Variants in DTNB observed in about 807,000 individuals in gnomAD.
The protein encoded by DTNB is dystrobrevin beta, also known as DTN-B.
In DTNB, 63 loss-of-function variants were observed where a neutral mutation model predicts 90.7. That is an observed-to-expected ratio of 0.69 (90% CI 0.57 to 0.86). The LOEUF is 0.86. Among genes scored for constraint, DTNB ranks in the 40% least tolerant of loss-of-function variants. DTNB has a pLI of 0.00. For missense variants in DTNB, 744 were observed against 807.1 expected (o/e 0.92, Z 0.95); for synonymous variants, 277 against 286.7 (o/e 0.97, Z 0.34).
At chr2:25,452,372 T>C (rs1288038618) in intron 11 of DTNB, among the ~76,000 whole-genome samples, 1 of 152,214 alleles carries the variant, frequency 6.6e-6, no homozygotes, top group African/African-American at 2.4e-5. Context: ...CTGAAATACA[T>C]GACTTCTTTA....
At chr2:25,530,006 G>C (rs1575433085) in intron 9 of DTNB, among the ~76,000 whole-genome samples, 1 of 152,150 alleles carries the variant, frequency 6.6e-6, no homozygotes, top group African/African-American at 2.4e-5. Flanking sequence ...TTAAGAAATA[G>C]AGTTTTTAAA....
At chr2:25,637,959 C>G (rs1022965750) in intron 3 of DTNB, among the ~76,000 whole-genome samples, 46 of 152,202 alleles carry the variant, frequency 3.0e-4, no homozygotes, top group Non-Finnish European at 5.3e-4. Context: ...GGAACCAACT[C>G]AAATGCCCAT....
chr2:25,487,187 T>A lies in DTNB; in HGVS notation c.1002-4314A>T, dbSNP rs556897237. Among the ~76,000 whole-genome samples the A allele has an allele frequency of 6.2e-4, 95 of 152,308 alleles. 2 individuals are homozygous for A. The South Asian group carries it at 0.019, about 31-fold the overall frequency. On this transcript the variant is annotated intron_variant, in intron 9 of 20. Coordinates refer to ENST00000406818, the MANE Select transcript of DTNB (RefSeq NM_021907.5). Reference sequence around the variant, plus strand: ...AACTGTATATAGATGGAGACAAACATGCAAGCAAATCATCACAATGCCATG... The same window carrying A: ...AACTGTATATAGATGGAGACAAACAAGCAAGCAAATCATCACAATGCCATG...
chr2:25,473,589 T>G (rs749012058), intron 10 of DTNB, among the ~76,000 whole-genome samples: 3 of 152,170 alleles, frequency 2.0e-5, no homozygotes, highest in African/African-American at 7.2e-5. Flanking sequence ...TGTGTGCGCA[T>G]GTATGCATGT....
chr2:25,531,504 G>A lies in DTNB; in HGVS notation c.970C>T (p.Pro324Ser), dbSNP rs1433985723. The A allele has an allele frequency of 6.2e-7, 1 of 1,613,906 alleles. No individual in the cohort carries two copies. The highest frequency in any genetic ancestry group is 1.7e-5 in the Admixed American group (1 of 60,008). Residue 324 changes from proline (P) to serine (S), a missense_variant, in exon 9 of 21, where the codon CCA becomes TCA. Physicochemically the swap from Pro to Ser is moderately conservative, Grantham distance 74 (BLOSUM62 -1). Transcript: ENST00000406818. The stretch of plus-strand genomic sequence containing the variant: ...TGTGCAAGGTCAAGTGGTTTCTCTG[G>A]TTGCTCAGGAAAAACAGGATGCGGG... ...EPPHPVFPEQ[P>S]EKPLDLAHIV...
intron 8 of DTNB, among the ~76,000 whole-genome samples, chr2:25,543,328 C>G (rs2081716324): frequency 6.7e-6 from 1 of 149,986 alleles, no homozygotes; most frequent in East Asian, 2.0e-4. Flanking sequence ...TTTTTTGAGA[C>G]ACAGTCTTGC....
chr2:25,507,284 C>T (rs1192062485), intron 9 of DTNB, among the ~76,000 whole-genome samples: 2 of 152,056 alleles, frequency 1.3e-5, no homozygotes, highest in Non-Finnish European at 2.9e-5. Context: ...TCCAGTATAC[C>T]CACATCAATA....
At chr2:25,654,740 A>T (rs1302289682) in intron 1 of DTNB, among the ~76,000 whole-genome samples, 1 of 152,222 alleles carries the variant, frequency 6.6e-6, no homozygotes, top group East Asian at 1.9e-4. Context: ...CAAAAGAATG[A>T]GTGTTTTAGT....
intron 8 of DTNB, among the ~76,000 whole-genome samples, chr2:25,565,333 C>T (rs368507631): frequency 2.1e-4 from 32 of 152,298 alleles, no homozygotes; most frequent in African/African-American, 7.5e-4. Context: ...ACCTCCCAGG[C>T]TCAAGTGATC....
intron 1 of DTNB, among the ~76,000 whole-genome samples, chr2:25,669,636 T>A (rs2085348002): frequency 6.6e-6 from 1 of 152,182 alleles, no homozygotes; most frequent in African/African-American, 2.4e-5. Flanking sequence ...AGAATCAGCA[T>A]CTAAAGGAAC....
intron 6 of DTNB, among the ~76,000 whole-genome samples, chr2:25,588,415 G>C (rs1333320132): frequency 2.6e-5 from 4 of 151,700 alleles, no homozygotes; most frequent in Non-Finnish European, 4.4e-5. Context: ...TGCCAGGCTG[G>C]AGTGCAGTGG....
chr2:25,635,080 A>T lies in DTNB; in HGVS notation c.148+3934T>A, dbSNP rs200456190. Among the ~76,000 whole-genome samples, 481 of 141,410 alleles carry T rather than the reference A, an allele frequency of 3.4e-3. 1 individual carries two copies. The highest frequency in any genetic ancestry group is 8.1e-3 in the African/African-American group (305 of 37,808). The allele number at this position is 141,410 out of a possible 152,430, so 92.8% of individuals were successfully genotyped here. ...AAAAAAAATAAAAAAATAAAAAAAG[A>T]AAAAAAAAAAAAGAAATTTTAAAAT... On this transcript the variant is annotated intron_variant, in intron 3 of 20. Coordinates refer to ENST00000406818, the MANE Select transcript of DTNB (RefSeq NM_021907.5).
Position 25,433,904 on chromosome 2 carries a change from T to C in DTNB, c.1343+6A>G. 3.1e-6 allele frequency: 5 copies of C among 1,613,708 alleles called. No individual in the cohort carries two copies. The highest frequency in any genetic ancestry group is 4.2e-6 in the Non-Finnish European group (5 of 1,179,710). ...CTGGAAGTGGGCTCAGCCTCTGCGT[T>C]CTTACCTGTTTTTGTTTTCCAGTTC... On this transcript the variant is annotated splice_donor_region_variant and intron_variant, in intron 13 of 20. Coordinates refer to ENST00000406818, the MANE Select transcript of DTNB (RefSeq NM_021907.5).
chr2:25,556,701 C>T (rs1442276447), intron 8 of DTNB, among the ~76,000 whole-genome samples: 2 of 152,028 alleles, frequency 1.3e-5, no homozygotes, highest in Non-Finnish European at 2.9e-5. Flanking sequence ...CATGAAGAGA[C>T]ACATCAAACC....
chr2:25,408,934 T>C (rs1378734303), intron 16 of DTNB, among the ~76,000 whole-genome samples: 2 of 152,118 alleles, frequency 1.3e-5, no homozygotes, highest in East Asian at 1.9e-4. Flanking sequence ...AACAATCCCA[T>C]GCTGAAAGAA....
At chr2:25,578,900 A>C (rs72797650) in intron 7 of DTNB, among the ~76,000 whole-genome samples, 5,634 of 152,224 alleles carry the variant, frequency 0.037, 138 homozygotes, top group Non-Finnish European at 0.053. Flanking sequence ...ATAATTTTAT[A>C]ATTTGTTTCT....
At chr2:25,506,173 T>C (rs187364452) in intron 9 of DTNB, among the ~76,000 whole-genome samples, 3 of 152,240 alleles carry the variant, frequency 2.0e-5, no homozygotes, top group African/African-American at 7.2e-5. Flanking sequence ...GAGAGGTTGG[T>C]TAATGGGTAC....
intron 5 of DTNB, among the ~76,000 whole-genome samples, chr2:25,604,382 TTC>T (rs1491027556): frequency 2.1e-5 from 3 of 142,390 alleles, no homozygotes; most frequent in Non-Finnish European, 4.5e-5. Flanking sequence ...TTTCTTTTTT[TTC>T]TCTCTCTCCC....
At chr2:25,499,944 G>GAGTGAAAGCAT in intron 9 of DTNB, among the ~76,000 whole-genome samples, 1 of 152,220 alleles carries the variant, frequency 6.6e-6, no homozygotes, top group Admixed American at 6.5e-5. Context: ...CACTCAGGCT[G>GAGTGAAAGCAT]GAGTACGCTG....
Sources: allele counts gnomAD v4.1 joint callset (sites outside exome capture counted in the v4.1 genomes callset), GRCh38; gene constraint gnomAD v4.1.1; transcripts MANE v1.5; gene names NCBI Gene and HGNC (gene_info 2026-07-23, HGNC 2026-07-21).